The following CMSS1 variants were observed in gnomAD, a reference collection of about 807,000 sequenced individuals.
CMSS1 encodes the protein cms1 ribosomal small subunit homolog, also known as protein CMSS1.
CMSS1 carries 33 observed loss-of-function variants against 43.5 expected under a neutral mutation model. That is an observed-to-expected ratio of 0.76 (90% CI 0.57 to 1.01). The LOEUF (loss-of-function observed/expected upper bound fraction) is 1.01, where lower values mean the gene tolerates loss of function less well. CMSS1 is among the 50% of genes least tolerant of loss of function. The pLI is 0.00. For synonymous variants in CMSS1, 115 were observed against 117.2 expected (o/e 0.98, Z 0.12); for missense variants, 313 against 326.4 (o/e 0.96, Z 0.32).
chr3:99,898,550 T>A (rs763617777), intron 1 of CMSS1: 2 of 154,002 alleles, frequency 1.3e-5, no homozygotes, highest in Non-Finnish European at 2.9e-5. Flanking sequence ...GTGGATCACC[T>A]GAGGTCAGGG....
At chr3:99,906,376 T>G (rs1239874171) in intron 1 of CMSS1, among the ~76,000 whole-genome samples, 3 of 152,204 alleles carry the variant, frequency 2.0e-5, no homozygotes, top group Non-Finnish European at 4.4e-5. Flanking sequence ...GTCAGTCTTA[T>G]TTTTTATTAA....
At chr3:100,101,307 G>C (rs1481787248) in intron 1 of CMSS1, among the ~76,000 whole-genome samples, 1 of 152,170 alleles carries the variant, frequency 6.6e-6, no homozygotes, top group Non-Finnish European at 1.5e-5. Flanking sequence ...GAGAGGGAGT[G>C]CATTGACTTC....
intron 1 of CMSS1, among the ~76,000 whole-genome samples, chr3:99,852,385 C>A (rs986727243): frequency 2.0e-5 from 3 of 152,148 alleles, no homozygotes; most frequent in African/African-American, 7.2e-5. Context: ...GTCTATCATC[C>A]TTATCACAGA....
intron 1 of CMSS1, among the ~76,000 whole-genome samples, chr3:100,087,093 C>G (rs571752873): frequency 6.6e-5 from 10 of 152,264 alleles, no homozygotes; most frequent in Non-Finnish European, 1.3e-4. Context: ...TTTGCTAATC[C>G]AATTACGAGT....
At chr3:99,983,448 A>ATATG (rs1559713597) in intron 1 of CMSS1, among the ~76,000 whole-genome samples, 12 of 8,244 alleles carry the variant, frequency 1.5e-3, no homozygotes, top group African/African-American at 6.0e-3. Flanking sequence ...ATATGTATGT[A>ATATG]TATATATATA....
chr3:100,035,509 C>T (rs893034706), intron 1 of CMSS1, among the ~76,000 whole-genome samples: 6 of 152,058 alleles, frequency 3.9e-5, no homozygotes, highest in South Asian at 2.1e-4. Context: ...CTGATCCACC[C>T]GCCTCAGCCT....
rs562199692 is a variant in CMSS1 at position 100,021,494 on chromosome 3, A to G, written c.65-125479A>G. Among the ~76,000 whole-genome samples, 3 of 152,278 alleles carry G rather than the reference A, an allele frequency of 2.0e-5. No homozygotes were observed. In the South Asian group the frequency reaches 6.2e-4, roughly 32 times the overall value. ...TCTCCTTGTAGAGAAAATTCCTGTA[A>G]TGTTTTGTTTTACTTCAAAAATCTG... On this transcript the variant is annotated intron_variant, in intron 1 of 9. Coordinates refer to ENST00000421999, the MANE Select transcript of CMSS1 (RefSeq NM_032359.4).
intron 1 of CMSS1, among the ~76,000 whole-genome samples, chr3:100,067,797 A>G (rs2065691986): frequency 6.6e-6 from 1 of 152,184 alleles, no homozygotes; most frequent in South Asian, 2.1e-4. Flanking sequence ...CCTTGAGTGA[A>G]GTGGGCTGAC....
chr3:99,968,264 G>A (rs1472113497), intron 1 of CMSS1, among the ~76,000 whole-genome samples: 1 of 151,912 alleles, frequency 6.6e-6, no homozygotes, highest in African/African-American at 2.4e-5. Flanking sequence ...AACCTTCTTT[G>A]AACAAAAAAA....
At chr3:99,884,588 G>C (rs952613372) in intron 1 of CMSS1, among the ~76,000 whole-genome samples, 2 of 152,096 alleles carry the variant, frequency 1.3e-5, no homozygotes, top group Non-Finnish European at 2.9e-5. Flanking sequence ...CCACTTTATG[G>C]GATTCTGTAG....
At chr3:99,894,971 A>G (rs1706201904) in intron 1 of CMSS1, among the ~76,000 whole-genome samples, 1 of 152,210 alleles carries the variant, frequency 6.6e-6, no homozygotes, top group Non-Finnish European at 1.5e-5. Context: ...AATGTGTTCC[A>G]GGTTCCCACT....
chr3:99,838,123 A>G (rs898304825), intron 1 of CMSS1, among the ~76,000 whole-genome samples: 3 of 152,226 alleles, frequency 2.0e-5, no homozygotes, highest in South Asian at 2.1e-4. Context: ...CTTTGCTTAT[A>G]GAATCTTACC....
chr3:99,830,327 G>A, intron 1 of CMSS1: 1 of 354,216 alleles, frequency 2.8e-6, no homozygotes, highest in South Asian at 2.1e-5. Flanking sequence ...TTCCTGGAGA[G>A]ATGGTCCTTT....
chr3:100,057,933 T>C (rs1221144129), intron 1 of CMSS1, among the ~76,000 whole-genome samples: 1 of 152,216 alleles, frequency 6.6e-6, no homozygotes, highest in Non-Finnish European at 1.5e-5. Context: ...ACTGACTGTC[T>C]AAATCTTTCG....
At chr3:99,842,485 TAAATA>T (rs1401530184) in intron 1 of CMSS1, among the ~76,000 whole-genome samples, 1 of 89,516 alleles carries the variant, frequency 1.1e-5, no homozygotes, top group Non-Finnish European at 2.3e-5. Flanking sequence ...CCTATTGAAA[TAAATA>T]AATTAAAACA....
chr3:99,925,340 G>A (rs940200525), intron 1 of CMSS1, among the ~76,000 whole-genome samples: 1 of 152,158 alleles, frequency 6.6e-6, no homozygotes, highest in African/African-American at 2.4e-5. Flanking sequence ...GCTGATACAT[G>A]TGTTTGTCTC....
chr3:100,060,114 T>G (rs1015687437), intron 1 of CMSS1, among the ~76,000 whole-genome samples: 4 of 151,844 alleles, frequency 2.6e-5, no homozygotes, highest in Non-Finnish European at 5.9e-5. Flanking sequence ...GGTAAAGGGA[T>G]TTGAGGAAAC....
chr3:99,996,966 A>G (rs1709704023), intron 1 of CMSS1, among the ~76,000 whole-genome samples: 1 of 152,210 alleles, frequency 6.6e-6, no homozygotes, highest in African/African-American at 2.4e-5. Flanking sequence ...ATGAAAACAC[A>G]ACATGCCTTA....
At chr3:100,126,442 A>G (rs2066662541) in intron 1 of CMSS1, among the ~76,000 whole-genome samples, 1 of 152,210 alleles carries the variant, frequency 6.6e-6, no homozygotes. Context: ...CATACTATGA[A>G]TAGTGACCAG....
Sources: gnomAD v4.1 joint callset for allele counts (sites outside exome capture counted in the v4.1 genomes callset) on GRCh38, gnomAD v4.1.1 for gene constraint, MANE v1.5 for transcripts, NCBI Gene and HGNC (gene_info 2026-07-23, HGNC 2026-07-21) for gene names.